RIMS1: variants seen among roughly 807,000 people sequenced by gnomAD.
The protein encoded by RIMS1 is regulating synaptic membrane exocytosis 1, also known as regulating synaptic membrane exocytosis protein 1.
A neutral mutation model predicts 214.1 loss-of-function variants in RIMS1; 83 were observed. The observed-to-expected ratio is 0.39, with a 90% CI of 0.32 to 0.47. The LOEUF (loss-of-function observed/expected upper bound fraction) is 0.47. Among genes scored for constraint, RIMS1 ranks in the 20% least tolerant of loss-of-function variants. The pLI, the probability that RIMS1 is intolerant of heterozygous loss-of-function variation, is 0.99. For missense variants in RIMS1, 2,050 were observed against 2,161.8 expected (o/e 0.95, Z 1.03); for synonymous variants, 793 against 786.8 (o/e 1.01, Z -0.13).
chr6:72,260,614 T>C, intron 18 of RIMS1, 91 bp from the exon 19 acceptor site: 1 of 1,531,322 alleles, frequency 6.5e-7, no homozygotes, highest in Non-Finnish European at 8.9e-7. Context: ...ATCTGGTTTC[T>C]TCCCTTTTCA....
intron 10 of RIMS1, 116 bp downstream of exon 10, chr6:72,242,553 A>T: frequency 3.0e-6 from 2 of 669,498 alleles, no homozygotes; most frequent in Non-Finnish European, 4.8e-6. Flanking sequence ...TTTTGCATCA[A>T]TTATGGGCAT....
chr6:72,152,067 G>A (rs2043674112), intron 4 of RIMS1, among the ~76,000 whole-genome samples: 1 of 152,120 alleles, frequency 6.6e-6, no homozygotes, highest in South Asian at 2.1e-4. Flanking sequence ...ATTACTGAGA[G>A]ATTCTCCCCC....
At position 72,176,057 on chromosome 6, in the gene RIMS1, T is replaced by G. The variant is rs115095899; in HGVS notation, c.472-3518T>G. Among the ~76,000 whole-genome samples, 1,170 of 152,324 alleles carry G rather than the reference T, an allele frequency of 7.7e-3. 19 individuals are homozygous for G. The highest frequency in any genetic ancestry group is 0.027 in the African/African-American group (1,111 of 41,566). ...GATATGTGGCATGGTGTTTCAAAAG[T>G]CATGTAACTTCACGATAGTATTTGA... On this transcript the variant is annotated intron_variant, in intron 4 of 33. Coordinates refer to ENST00000521978, the MANE Select transcript of RIMS1 (RefSeq NM_014989.7).
chr6:72,048,492 C>T lies in RIMS1; in HGVS notation c.246-48457C>T, dbSNP rs568655496. On this transcript the variant is annotated intron_variant, in intron 2 of 33. Coordinates refer to ENST00000521978, the MANE Select transcript of RIMS1 (RefSeq NM_014989.7). ...AGAAAAAATGTGGACTAAAAGTTGC[C>T]TTCTCAAGAGTTGTGTGATAACATC... Among the ~76,000 whole-genome samples, 4 of 152,158 alleles carry T rather than the reference C, an allele frequency of 2.6e-5. No individual in the cohort carries two copies. The South Asian group carries it at 8.3e-4, about 32-fold the overall frequency.
intron 29 of RIMS1, among the ~76,000 whole-genome samples, chr6:72,388,413 A>G (rs2098649000): frequency 6.6e-6 from 1 of 152,244 alleles, no homozygotes; most frequent in Non-Finnish European, 1.5e-5. Context: ...TCCAAGGACC[A>G]GATGATATGG....
At position 72,290,320 on chromosome 6, in the gene RIMS1, C is replaced by A. The variant is rs146736123; in HGVS notation, c.3555-359C>A. Among the ~76,000 whole-genome samples the A allele has an allele frequency of 1.1e-3, 175 of 152,204 alleles. 1 individual carries two copies. Among genetic ancestry groups the A allele is most frequent in the South Asian group, 5.4e-3 (26 of 4,812 alleles). ...ACAGTCACTCATTCAAGCAACATAC[C>A]TTTATTGAGCTCTTGCTATCTGTGC... On this transcript the variant is annotated intron_variant, in intron 24 of 33. Transcript: ENST00000521978.
intron 22 of RIMS1, among the ~76,000 whole-genome samples, chr6:72,273,144 G>T (rs2084287595): frequency 6.6e-6 from 1 of 152,042 alleles, no homozygotes; most frequent in South Asian, 2.1e-4. Flanking sequence ...GGCTTCCAGA[G>T]AATTTCAGAA....
chr6:72,246,146 GA>G (rs1177399812), intron 11 of RIMS1, among the ~76,000 whole-genome samples: 13 of 152,016 alleles, frequency 8.6e-5, no homozygotes, highest in Non-Finnish European at 1.9e-4. Flanking sequence ...AATATATCAG[GA>G]ATAGTTCTAG....
chr6:72,241,511 T>A (rs939325226), intron 9 of RIMS1, among the ~76,000 whole-genome samples: 3 of 152,174 alleles, frequency 2.0e-5, no homozygotes, highest in African/African-American at 7.2e-5. Context: ...TGTAAGTTGT[T>A]AGCCTGTATT....
chr6:72,258,297 G>T lies in RIMS1; in HGVS notation c.2927+16G>T. The stretch of plus-strand genomic sequence containing the variant: ...CATTACAGAGGTAGGCTTTGAAATG[G>T]GCTCAGTGTCCCTGACAGTACATTT... On this transcript the variant is annotated intron_variant, in intron 17 of 33. Transcript: ENST00000521978. The T allele has an allele frequency of 1.2e-6, 2 of 1,610,860 alleles. No individual in the cohort carries two copies. Among genetic ancestry groups the T allele is most frequent in the Non-Finnish European group, 8.5e-7 (1 of 1,177,830 alleles).
At chr6:72,018,808 ATTGT>A (rs1813610103) in intron 2 of RIMS1, among the ~76,000 whole-genome samples, 1 of 152,172 alleles carries the variant, frequency 6.6e-6, no homozygotes, top group Non-Finnish European at 1.5e-5. Flanking sequence ...TATAGAAATA[ATTGT>A]TTGATTGAGC....
chr6:72,153,862 T>C (rs987402818), intron 4 of RIMS1, among the ~76,000 whole-genome samples: 1 of 152,156 alleles, frequency 6.6e-6, no homozygotes, highest in Non-Finnish European at 1.5e-5. Flanking sequence ...CTATATAAAC[T>C]TTTTTATAGT....
chr6:72,314,530 G>A (rs1368067201), intron 28 of RIMS1, among the ~76,000 whole-genome samples: 4 of 152,076 alleles, frequency 2.6e-5, no homozygotes, highest in African/African-American at 9.7e-5. Flanking sequence ...TAATCATCCT[G>A]CTGTTATTTA....
At chr6:72,234,362 G>A (rs1289949056) in intron 7 of RIMS1, among the ~76,000 whole-genome samples, 1 of 151,906 alleles carries the variant, frequency 6.6e-6, no homozygotes, top group African/African-American at 2.4e-5. Context: ...GTGTCTATAG[G>A]AAAGAAAGCA....
chr6:72,364,779 C>T (rs994485167), intron 29 of RIMS1, among the ~76,000 whole-genome samples: 20 of 152,156 alleles, frequency 1.3e-4, no homozygotes, highest in African/African-American at 4.6e-4. Context: ...AATTGGGGTT[C>T]TATGGGAGAC....
intron 21 of RIMS1, 151 bp from the exon 22 acceptor site, chr6:72,265,809 A>C (rs950895463): frequency 3.3e-6 from 2 of 611,032 alleles, no homozygotes; most frequent in Non-Finnish European, 5.7e-6. Context: ...CATTCTGTCA[A>C]CTCTCTCACA....
At chr6:72,221,471 G>GCTAGC (rs2058415320) in intron 6 of RIMS1, among the ~76,000 whole-genome samples, 1 of 151,986 alleles carries the variant, frequency 6.6e-6, no homozygotes, top group South Asian at 2.1e-4. Flanking sequence ...ATGCAAAATG[G>GCTAGC]CTAGCCTAGG....
At chr6:72,366,009 T>C (rs903014899) in intron 29 of RIMS1, among the ~76,000 whole-genome samples, 9 of 152,232 alleles carry the variant, frequency 5.9e-5, no homozygotes, top group African/African-American at 2.2e-4. Context: ...ATGTAAAACA[T>C]AGCAATACCA....
At chr6:71,998,453 A>G (rs1403733889) in intron 2 of RIMS1, among the ~76,000 whole-genome samples, 1 of 152,052 alleles carries the variant, frequency 6.6e-6, no homozygotes, top group African/African-American at 2.4e-5. Flanking sequence ...CTGAGTTGTG[A>G]ATCTGTTTGT....
Sources: allele counts gnomAD v4.1 joint callset (sites outside exome capture counted in the v4.1 genomes callset), GRCh38; gene constraint gnomAD v4.1.1; transcripts MANE v1.5; gene names NCBI Gene and HGNC (gene_info 2026-07-23, HGNC 2026-07-21).